Variants in NPFFR2 observed in about 807,000 individuals in gnomAD.
NPFFR2 encodes the protein G-protein coupled receptor 74.
A neutral mutation model predicts 13.1 loss-of-function variants in NPFFR2; 15 were observed. The observed-to-expected ratio is 1.15, with a 90% CI of 0.77 to 1.76. NPFFR2 has a LOEUF of 1.76. NPFFR2 is among the 40% of genes most tolerant of loss of function. The pLI is 0.00. For synonymous variants in NPFFR2, 190 were observed against 175.7 expected (o/e 1.08, Z -0.65); for missense variants, 572 against 503.5 (o/e 1.14, Z -1.30).
chr4:72,128,361 A>G (rs1233721087), intron 1 of NPFFR2, among the ~76,000 whole-genome samples: 1 of 152,190 alleles, frequency 6.6e-6, no homozygotes, highest in Non-Finnish European at 1.5e-5. Context: ...AATAATAACC[A>G]TTACTTATGG....
At chr4:72,035,164 T>C (rs1719012194) in intron 1 of NPFFR2, among the ~76,000 whole-genome samples, 1 of 152,254 alleles carries the variant, frequency 6.6e-6, no homozygotes, top group Non-Finnish European at 1.5e-5. Context: ...CTTCTGCCCT[T>C]AGGCAAGGCC....
At position 72,128,809 on chromosome 4, in the gene NPFFR2, A is replaced by G. The variant is rs760075657; in HGVS notation, c.218A>G (p.Asn73Ser). Residue 73 changes from asparagine to serine, a missense_variant, in exon 2 of 4, where the codon AAC becomes AGC. By Grantham distance (46) the Asn-to-Ser change is conservative. Transcript: ENST00000308744. The part of the protein sequence containing the change: ...NTVVCFIVMR[N>S]KHMHTVTNLF... ...GTGGTTTGCTTTATTGTAATGAGGAACAAACATATGCACACAGTCACTAAT... is the reference window on the plus strand; with the variant it reads ...GTGGTTTGCTTTATTGTAATGAGGAGCAAACATATGCACACAGTCACTAAT... 32 of 1,613,930 alleles carry G rather than the reference A, an allele frequency of 2.0e-5. No individual in the cohort carries two copies. The highest frequency in any genetic ancestry group is 6.7e-5 in the Admixed American group (4 of 60,000).
At position 72,083,214 on chromosome 4, in the gene NPFFR2, G is replaced by A. The variant is rs140419062; in HGVS notation, c.-7-45371G>A. Reference sequence around the variant, plus strand: ...TCCTTTGACTCTATACCCATAAGTGGAATTTCTGAATCATATGGTCATTCT... The same window carrying A: ...TCCTTTGACTCTATACCCATAAGTGAAATTTCTGAATCATATGGTCATTCT... On this transcript the variant is annotated intron_variant, in intron 1 of 3. Coordinates refer to ENST00000308744, the MANE Select transcript of NPFFR2 (RefSeq NM_004885.3). 5.5e-3 allele frequency among the ~76,000 whole-genome samples: 831 copies of A among 151,646 alleles called. 3 individuals carry two copies. The highest frequency in any genetic ancestry group is 9.2e-3 in the Non-Finnish European group (624 of 67,850).
chr4:72,121,845 A>T (rs1333823113), intron 1 of NPFFR2, among the ~76,000 whole-genome samples: 2 of 152,180 alleles, frequency 1.3e-5, no homozygotes, highest in Non-Finnish European at 2.9e-5. Flanking sequence ...TGTATCAACT[A>T]ACAGGCAAAA....
chr4:72,043,343 C>T (rs1271486382), intron 1 of NPFFR2, among the ~76,000 whole-genome samples: 1 of 152,174 alleles, frequency 6.6e-6, no homozygotes, highest in East Asian at 1.9e-4. Context: ...GGGGCACTGC[C>T]TAGTAGGCCT....
Position 72,147,373 on chromosome 4 carries a change from T to A in NPFFR2, c.824T>A (p.Met275Lys). 1 of 1,614,170 alleles carries A rather than the reference T, an allele frequency of 6.2e-7. No individual in the cohort carries two copies. Residue 275 changes from methionine (M) to lysine (K), a missense_variant, in exon 4 of 4, where the codon ATG (methionine) becomes AAG (lysine). Transcript: ENST00000308744. ...AGGAAGAAGCAGAAGATCATTAAGA[T>A]GCTCCTGATTGTGGCCCTGCTTTTT... ...VSRKKQKIIK[M>K]LLIVALLFIL... is the part of the protein sequence containing the mutation.
At chr4:72,075,523 C>G (rs1720399560) in intron 1 of NPFFR2, among the ~76,000 whole-genome samples, 1 of 151,986 alleles carries the variant, frequency 6.6e-6, no homozygotes, top group Non-Finnish European at 1.5e-5. Flanking sequence ...ATGGAGAGAA[C>G]CACCAGACAG....
intron 2 of NPFFR2, 36 bp from the exon 3 acceptor site, chr4:72,138,004 A>G: frequency 1.4e-6 from 2 of 1,480,744 alleles, no homozygotes; most frequent in Non-Finnish European, 9.4e-7. Flanking sequence ...TTTTGAAAAT[A>G]TGATCTTTTG....
intron 1 of NPFFR2, among the ~76,000 whole-genome samples, chr4:72,059,242 A>G (rs1333966358): frequency 6.6e-6 from 1 of 152,112 alleles, no homozygotes; most frequent in East Asian, 1.9e-4. Flanking sequence ...AAGATGGGCA[A>G]GGTCTGCAAG....
intron 1 of NPFFR2, 99 bp from the exon 2 acceptor site, chr4:72,128,486 C>T (rs1722133890): frequency 1.5e-6 from 1 of 677,958 alleles, no homozygotes; most frequent in Non-Finnish European, 2.5e-6. Flanking sequence ...CACAAAAATT[C>T]CATGGCATTT....
chr4:72,073,782 A>G (rs1720338001), intron 1 of NPFFR2, among the ~76,000 whole-genome samples: 1 of 152,042 alleles, frequency 6.6e-6, no homozygotes, highest in Admixed American at 6.6e-5. Flanking sequence ...TTTTTATGTT[A>G]TTAAAATGAA....
intron 1 of NPFFR2, among the ~76,000 whole-genome samples, chr4:72,111,552 C>T (rs181095570): frequency 2.0e-5 from 3 of 152,082 alleles, no homozygotes; most frequent in African/African-American, 7.2e-5. Flanking sequence ...CTAATGGGAA[C>T]CAATAATCAT....
chr4:72,107,119 T>C (rs974530912), intron 1 of NPFFR2, among the ~76,000 whole-genome samples: 2 of 151,814 alleles, frequency 1.3e-5, no homozygotes, highest in African/African-American at 4.8e-5. Context: ...TAGCTGTTTA[T>C]TTCTCTCTGC....
chr4:72,142,721 C>T (rs1010674605), intron 3 of NPFFR2, among the ~76,000 whole-genome samples: 2 of 152,164 alleles, frequency 1.3e-5, no homozygotes, highest in African/African-American at 2.4e-5. Context: ...ACGTTTCTAA[C>T]AGCAGAAATG....
intron 2 of NPFFR2, among the ~76,000 whole-genome samples, chr4:72,129,214 A>T (rs185691727): frequency 4.6e-3 from 693 of 152,148 alleles, no homozygotes; most frequent in Middle Eastern, 6.8e-3. Context: ...AGAAAATAAG[A>T]TTTATTATGT....
chr4:72,048,623 A>T (rs777730100), intron 1 of NPFFR2, among the ~76,000 whole-genome samples: 1 of 152,158 alleles, frequency 6.6e-6, no homozygotes, highest in Non-Finnish European at 1.5e-5. Flanking sequence ...ACTTGGGGAT[A>T]GCTTCTTGTG....
chr4:72,071,664 T>TA (rs1291459823), intron 1 of NPFFR2, among the ~76,000 whole-genome samples: 2 of 152,276 alleles, frequency 1.3e-5, no homozygotes, highest in Non-Finnish European at 2.9e-5. Context: ...GTACCTGGAA[T>TA]AGCTTGAACA....
At chr4:72,109,109 T>C (rs2109817215) in intron 1 of NPFFR2, among the ~76,000 whole-genome samples, 1 of 152,160 alleles carries the variant, frequency 6.6e-6, no homozygotes, top group South Asian at 2.1e-4. Context: ...TGTCTCTTCT[T>C]TTCTTTAGAT....
At chr4:72,139,035 T>TA (rs1722511855) in intron 3 of NPFFR2, among the ~76,000 whole-genome samples, 2 of 152,234 alleles carry the variant, frequency 1.3e-5, no homozygotes, top group Admixed American at 1.3e-4. Flanking sequence ...TTTTTTCATA[T>TA]ATCTGTTGGC....
Sources: gnomAD v4.1 joint callset for allele counts (sites outside exome capture counted in the v4.1 genomes callset) on GRCh38, gnomAD v4.1.1 for gene constraint, MANE v1.5 for transcripts, NCBI Gene and HGNC (gene_info 2026-07-23, HGNC 2026-07-21) for gene names.